ZDHHC6: variants seen among roughly 807,000 people sequenced by gnomAD.
ZDHHC6 encodes zDHHC palmitoyltransferase 6, also known as palmitoyltransferase ZDHHC6.
Under a neutral mutation model 57.8 loss-of-function variants are expected in ZDHHC6, and 32 were observed. That is an observed-to-expected ratio of 0.55 (90% CI 0.42 to 0.74). ZDHHC6 has a LOEUF of 0.74. ZDHHC6 is among the 30% of genes least tolerant of loss of function. ZDHHC6 has a pLI of 0.00. For synonymous variants in ZDHHC6, 128 were observed against 158.0 expected (o/e 0.81, Z 1.42); for missense variants, 433 against 500.7 (o/e 0.86, Z 1.29).
At chr10:112,447,049 GA>G (rs1311568399), upstream of ZDHHC6, 62 of 315,712 alleles carry the variant, frequency 2.0e-4, no homozygotes, top group Non-Finnish European at 2.6e-4. Context: ...ACGAAGGGGG[GA>G]AAAAACGCTT....
chr10:112,441,655 T>C (rs1017562721), intron 4 of ZDHHC6, among the ~76,000 whole-genome samples: 2 of 152,208 alleles, frequency 1.3e-5, no homozygotes, highest in Non-Finnish European at 2.9e-5. Flanking sequence ...TCCCATCAGG[T>C]GTGTCTCTCG....
intron 4 of ZDHHC6, 71 bp downstream of exon 4, chr10:112,442,121 T>G: frequency 6.9e-7 from 1 of 1,446,868 alleles, no homozygotes; most frequent in South Asian, 1.5e-5. Flanking sequence ...AAGGAACCTC[T>G]TAAATGTTGA....
chr10:112,441,941 T>C (rs1846155689), intron 4 of ZDHHC6, among the ~76,000 whole-genome samples: 1 of 152,214 alleles, frequency 6.6e-6, no homozygotes, highest in Non-Finnish European at 1.5e-5. Flanking sequence ...ACAAATTACA[T>C]ATACAGTACT....
chr10:112,432,348 A>C (rs1056414622), intron 9 of ZDHHC6, 28 bp downstream of exon 9: 1 of 1,608,986 alleles, frequency 6.2e-7, no homozygotes, highest in Admixed American at 1.7e-5. Context: ...GTCCTTGAAG[A>C]AGAAATGCAG....
chr10:112,434,496 G>T, intron 6 of ZDHHC6, 32 bp from the exon 7 acceptor site: 1 of 1,593,778 alleles, frequency 6.3e-7, no homozygotes, highest in Non-Finnish European at 8.6e-7. Context: ...GATGGCAGGT[G>T]CCTCTGTCTA....
At position 112,445,329 on chromosome 10, in the gene ZDHHC6, G is replaced by A; in HGVS notation, c.108C>T (p.Thr36=). 3 of 1,614,158 alleles carry A rather than the reference G, an allele frequency of 1.9e-6. No homozygotes were observed. In the South Asian group the frequency reaches 3.3e-5, roughly 18 times the overall value. Residue 36 remains threonine, a synonymous_variant, in exon 2 of 11, where the codon ACC becomes ACT. Transcript: ENST00000369405. ...IALGVIAICS[T]MAMIDSVLWY... ...ACAACACAGAGTCAATCATGGCCAT[G>A]GTAGAACATATTGCTATAACACCAA...
chr10:112,433,272 A>G lies in ZDHHC6; in HGVS notation c.913T>C (p.Leu305=). 1 of 1,583,614 alleles carries G rather than the reference A, an allele frequency of 6.3e-7. No homozygotes were observed. Among genetic ancestry groups the G allele is most frequent in the Non-Finnish European group, 8.6e-7 (1 of 1,167,846 alleles). The stretch of plus-strand genomic sequence containing the variant: ...ACTCTCTTATCTGCTTTTTGTTTCA[A>G]CTGTTCTATCTGTTTGGAAGAAATA... ...CHQYSLTIEQ[L]KQKADKRVRS... The change falls in exon 8 of 11, where the codon TTG becomes CTG. Residue 305 remains leucine (L), a synonymous_variant. Transcript: ENST00000369405.
intron 5 of ZDHHC6, among the ~76,000 whole-genome samples, chr10:112,439,561 C>G (rs575282649): frequency 7.7e-6 from 1 of 129,296 alleles, no homozygotes; most frequent in African/African-American, 3.0e-5. Flanking sequence ...ACCCGGAAGG[C>G]GGAGGTTGCA....
chr10:112,427,225 C>G (rs74996244), downstream of ZDHHC6: 48 of 1,611,708 alleles, frequency 3.0e-5, 1 homozygote, highest in East Asian at 1.0e-3. Context: ...CAGGTCAAAG[C>G]CATTTTTCTT....
chr10:112,428,782 A>C (rs940208945), downstream of ZDHHC6, among the ~76,000 whole-genome samples: 14 of 142,984 alleles, frequency 9.8e-5, no homozygotes, highest in Admixed American at 5.6e-4. Flanking sequence ...AAAAAAAAAA[A>C]CAAAAACAAA....
intron 6 of ZDHHC6, among the ~76,000 whole-genome samples, chr10:112,435,117 G>A (rs1845401615): frequency 6.6e-6 from 1 of 152,076 alleles, no homozygotes; most frequent in Non-Finnish European, 1.5e-5. Flanking sequence ...TACATGTTAT[G>A]CATGTACATA....
At chr10:112,434,574 T>A (rs1845346272) in intron 6 of ZDHHC6, 110 bp from the exon 7 acceptor site, 2 of 1,117,422 alleles carry the variant, frequency 1.8e-6, no homozygotes, top group Admixed American at 5.6e-5. Flanking sequence ...TAAAAATACT[T>A]CCTCCTTGCT....
chr10:112,443,104 T>C (rs1456231337), intron 3 of ZDHHC6, among the ~76,000 whole-genome samples: 4 of 152,200 alleles, frequency 2.6e-5, no homozygotes, highest in African/African-American at 9.6e-5. Context: ...GTGTATAAAG[T>C]GTAAATGTTT....
At chr10:112,436,195 C>G (rs981785980) in intron 6 of ZDHHC6, among the ~76,000 whole-genome samples, 1 of 152,178 alleles carries the variant, frequency 6.6e-6, no homozygotes, top group Admixed American at 6.5e-5. Flanking sequence ...AAGAAGTCCG[C>G]CAGGTGCAGT....
At chr10:112,424,998 T>C (rs1589703098) in exon 12 of ZDHHC6, 1 of 171,964 alleles carries the variant, frequency 5.8e-6, no homozygotes, top group East Asian at 1.5e-4. Flanking sequence ...TTTCTGAGAG[T>C]TCTGAAAATG....
chr10:112,438,492 G>T, intron 5 of ZDHHC6, 103 bp from the exon 6 acceptor site: 1 of 920,018 alleles, frequency 1.1e-6, no homozygotes, highest in Non-Finnish European at 1.5e-6. Context: ...CCATTCCATA[G>T]ACAAAGATAC....
At position 112,437,547 on chromosome 10, in the gene ZDHHC6, T is replaced by C. The variant is rs1165796753; in HGVS notation, c.735+789A>G. On this transcript the variant is annotated intron_variant, in intron 6 of 10. Coordinates refer to ENST00000369405, the MANE Select transcript of ZDHHC6 (RefSeq NM_022494.3). ...CTACTTATCTGTGTGAGGCTAGATC[T>C]TCACATACTTCAATCGAAGCAACAT... Among the ~76,000 whole-genome samples, 3 of 152,230 alleles carry C rather than the reference T, an allele frequency of 2.0e-5. No individual in the cohort carries two copies. The East Asian group carries it at 5.8e-4, about 29-fold the overall frequency.
At chr10:112,429,982 G>C (rs1299086895), downstream of ZDHHC6, among the ~76,000 whole-genome samples, 3 of 151,128 alleles carry the variant, frequency 2.0e-5, no homozygotes, top group Non-Finnish European at 1.5e-5. Context: ...GGGGGTGTGG[G>C]GGGGGTATTT....
At chr10:112,446,045 A>C (rs748687312) in intron 1 of ZDHHC6, among the ~76,000 whole-genome samples, 23 of 152,210 alleles carry the variant, frequency 1.5e-4, no homozygotes, top group Non-Finnish European at 3.1e-4. Context: ...CCAAGGTCAC[A>C]AGTAACAGGT....
Sources: gnomAD v4.1 joint callset for allele counts (sites outside exome capture counted in the v4.1 genomes callset) on GRCh38, gnomAD v4.1.1 for gene constraint, MANE v1.5 for transcripts, NCBI Gene and HGNC (gene_info 2026-07-23, HGNC 2026-07-21) for gene names.